USP49: variants seen among roughly 807,000 people sequenced by gnomAD.
USP49 encodes ubiquitin carboxyl-terminal hydrolase 49.
Under a neutral mutation model 58.6 loss-of-function variants are expected in USP49, and 24 were observed. The observed-to-expected ratio is 0.41, with a 90% CI of 0.30 to 0.58. The LOEUF (loss-of-function observed/expected upper bound fraction) is 0.58. Ranked by LOEUF, USP49 falls within the 20% of genes least tolerant of loss-of-function variation. USP49 has a pLI of 0.30. For synonymous variants in USP49, 408 were observed against 365.1 expected (o/e 1.12, Z -1.34); for missense variants, 703 against 866.1 (o/e 0.81, Z 2.36).
intron 6 of USP49, among the ~76,000 whole-genome samples, 191 bp from the exon 7 acceptor site, chr6:41,799,120 A>G (rs1435613244): frequency 1.6e-5 from 2 of 124,914 alleles, no homozygotes; most frequent in Non-Finnish European, 3.5e-5. Context: ...ATTTATTTTC[A>G]GACAGGGTCT....
Position 41,796,578 on chromosome 6 carries a change from C to T in USP49, c.2022G>A (p.Val674=), listed in dbSNP as rs760991607. The part of the protein sequence containing the change: ...RISETHLQAQ[V]QSSNNDEGRP... ...TGCCTTCATCATTGTTGCTGGACTG[C>T]ACCTGAGCTTGGAGATGGGTTTCTG... The change falls in exon 8 of 8, where the codon GTG becomes GTA. Residue 674 remains valine, a synonymous_variant. Coordinates refer to ENST00000682992, the MANE Select transcript of USP49 (RefSeq NM_001286554.2). 1.4e-6 allele frequency: 1 copy of T among 717,480 alleles called. No individual in the cohort carries two copies. Among genetic ancestry groups the T allele is most frequent in the South Asian group, 1.5e-5 (1 of 67,596 alleles). The allele number at this position is 717,480 out of a possible 1,614,324, so 44.4% of individuals were successfully genotyped here. A position where few individuals can be genotyped will look rare whatever the true frequency, so the allele number is the denominator to read the frequency against.
intron 3 of USP49, among the ~76,000 whole-genome samples, chr6:41,848,541 T>A (rs9462746): frequency 0.21 from 32,311 of 151,690 alleles, 3,615 homozygotes; most frequent in East Asian, 0.29. Context: ...TAATTAAAAA[T>A]ATATATATAT....
chr6:41,875,486 A>G (rs1228980482), intron 2 of USP49, among the ~76,000 whole-genome samples: 2 of 152,194 alleles, frequency 1.3e-5, no homozygotes, highest in Non-Finnish European at 2.9e-5. Context: ...TATGTCTGAA[A>G]AAGTACCTTG....
chr6:41,828,463 C>T (rs957424852), intron 3 of USP49, among the ~76,000 whole-genome samples: 1 of 152,052 alleles, frequency 6.6e-6, no homozygotes, highest in African/African-American at 2.4e-5. Context: ...AACTAAGCTG[C>T]TTTGAAGGTG....
chr6:41,813,732 A>G (rs1034260574), intron 3 of USP49, among the ~76,000 whole-genome samples: 7 of 152,184 alleles, frequency 4.6e-5, no homozygotes, highest in Non-Finnish European at 1.0e-4. Context: ...ACCTCACCAT[A>G]CTGATTTAAG....
intron 3 of USP49, among the ~76,000 whole-genome samples, chr6:41,825,867 GA>G (rs1263749402): frequency 6.6e-6 from 1 of 152,094 alleles, no homozygotes; most frequent in Non-Finnish European, 1.5e-5. Flanking sequence ...TTGAAGACAG[GA>G]CAACAGTCTC....
chr6:41,803,811 C>A lies in USP49; in HGVS notation c.1556G>T (p.Cys519Phe). 1 of 1,614,130 alleles carries A rather than the reference C, an allele frequency of 6.2e-7. No homozygotes were observed. Among genetic ancestry groups the A allele is most frequent in the Non-Finnish European group, 8.5e-7 (1 of 1,179,966 alleles). ...LEGRIYACDQ[C>F]NSKRRKSNPK... ...CTCCTCCACACAGCACTCACTGTTA[C>A]ACTGGTCACAAGCGTAGATTCTCCC... Residue 519 changes from cysteine to phenylalanine, a missense_variant, in exon 5 of 8, where the codon TGT becomes TTT. Coordinates refer to ENST00000682992, the MANE Select transcript of USP49 (RefSeq NM_001286554.2). The surrounding 1 kb of genome is among the most constrained non-coding windows in gnomAD (Gnocchi z 4.1).
intron 3 of USP49, among the ~76,000 whole-genome samples, chr6:41,821,943 C>A (rs1317125551): frequency 6.6e-6 from 1 of 152,094 alleles, no homozygotes; most frequent in East Asian, 1.9e-4. Flanking sequence ...GCTGGTTTTA[C>A]GAAGCAAAAT....
At position 41,854,303 on chromosome 6, in the gene USP49, C is replaced by T. The variant is rs555517655; in HGVS notation, c.-29+17261G>A. On this transcript the variant is annotated intron_variant, in intron 3 of 7. Transcript: ENST00000682992. ...CTGTACTCCGGGCTGTGCGACAGAG[C>T]GAGACTCTGTCTCAAAAAAAAAAAA... is the stretch of plus-strand genomic sequence containing the variant. Among the ~76,000 whole-genome samples, 563 of 125,656 alleles carry T rather than the reference C, an allele frequency of 4.5e-3. 2 individuals are homozygous for T. The highest frequency in any genetic ancestry group is 0.016 in the African/African-American group (520 of 32,500). 82.4% of individuals were successfully genotyped at this position (125,656 alleles called of 152,430 possible).
intron 3 of USP49, among the ~76,000 whole-genome samples, chr6:41,809,751 C>T (rs1773212818): frequency 1.3e-5 from 2 of 151,400 alleles, no homozygotes; most frequent in Admixed American, 6.6e-5. Flanking sequence ...GGCGTGAACC[C>T]GGGAGGTGGA....
chr6:41,869,341 G>A (rs1774375763), intron 3 of USP49, among the ~76,000 whole-genome samples: 2 of 151,956 alleles, frequency 1.3e-5, no homozygotes, highest in South Asian at 4.1e-4. Context: ...AAGGCCAGCT[G>A]GGTAGCACGG....
At chr6:41,825,743 T>C (rs1412168194) in intron 3 of USP49, among the ~76,000 whole-genome samples, 1 of 152,228 alleles carries the variant, frequency 6.6e-6, no homozygotes, top group Non-Finnish European at 1.5e-5. Context: ...TCAGTAAATT[T>C]TAAAATTATT....
At chr6:41,882,013 A>G (rs1256511394) in intron 2 of USP49, among the ~76,000 whole-genome samples, 1 of 152,152 alleles carries the variant, frequency 6.6e-6, no homozygotes, top group East Asian at 1.9e-4. Context: ...GAAACTAGAT[A>G]AACTAAATCT....
intron 3 of USP49, among the ~76,000 whole-genome samples, chr6:41,857,577 C>T (rs947460419): frequency 1.1e-4 from 17 of 152,224 alleles, no homozygotes; most frequent in African/African-American, 3.9e-4. Flanking sequence ...GCCTGGGTGG[C>T]GGAGGTTGCA....
intron 3 of USP49, among the ~76,000 whole-genome samples, chr6:41,844,598 C>A (rs563520287): frequency 2.0e-5 from 3 of 152,180 alleles, no homozygotes; most frequent in Non-Finnish European, 4.4e-5. Flanking sequence ...CAGGCGTGAG[C>A]CACCGCACCC....
intron 5 of USP49, 49 bp from the exon 6 acceptor site, chr6:41,799,987 T>C (rs1311501797): frequency 6.6e-7 from 1 of 1,524,724 alleles, no homozygotes; most frequent in Admixed American, 1.7e-5. Context: ...GAGTTTTTTC[T>C]AGCTATGGCA....
chr6:41,820,092 T>C (rs372459604), intron 3 of USP49, among the ~76,000 whole-genome samples: 33 of 152,046 alleles, frequency 2.2e-4, no homozygotes, highest in Middle Eastern at 6.9e-3. Flanking sequence ...TTTAGATCCA[T>C]ACTTGAACAA....
At chr6:41,805,368 A>G (rs1773091007) in intron 4 of USP49, among the ~76,000 whole-genome samples, 1 of 152,186 alleles carries the variant, frequency 6.6e-6, no homozygotes, top group Non-Finnish European at 1.5e-5. Flanking sequence ...CCTATCTTCA[A>G]TAACAATTAA....
chr6:41,844,713 C>T (rs1773891033), intron 3 of USP49, among the ~76,000 whole-genome samples: 1 of 152,018 alleles, frequency 6.6e-6, no homozygotes, highest in Admixed American at 6.6e-5. Flanking sequence ...TTACCAACTA[C>T]AGTGATATCC....
Sources: allele counts gnomAD v4.1 joint callset (sites outside exome capture counted in the v4.1 genomes callset), GRCh38; gene constraint gnomAD v4.1.1; non-coding constraint Gnocchi (gnomAD v3.1); transcripts MANE v1.5; gene names NCBI Gene and HGNC (gene_info 2026-07-23, HGNC 2026-07-21).